The following ZZEF1 variants were observed in gnomAD, a reference collection of about 807,000 sequenced individuals.
The protein encoded by ZZEF1 is zinc finger ZZ-type and EF-hand domain containing 1.
A neutral mutation model predicts 342.8 loss-of-function variants in ZZEF1; 157 were observed. The observed-to-expected ratio is 0.46, with a 90% CI of 0.40 to 0.52. The LOEUF is 0.52. ZZEF1 is among the 20% of genes least tolerant of loss of function. The probability of loss-of-function intolerance (pLI) is 0.00; values close to 1 mark genes in which losing one functional copy is unlikely to be tolerated. For missense variants in ZZEF1, 3,480 were observed against 3,725.6 expected, an observed-to-expected ratio of 0.93 and a Z score of 1.72; for synonymous variants, 1,505 against 1,429.1, an observed-to-expected ratio of 1.05 and a Z score of -1.20.
chr17:4,060,713 T>A (rs547288459), intron 30 of ZZEF1, among the ~76,000 whole-genome samples: 158 of 152,180 alleles, frequency 1.0e-3, no homozygotes, highest in Non-Finnish European at 2.0e-3. Context: ...TTTTACTTTT[T>A]AAAAGAGAAA....
chr17:4,078,932 G>A (rs1048829060), intron 18 of ZZEF1, among the ~76,000 whole-genome samples: 3 of 151,994 alleles, frequency 2.0e-5, no homozygotes, highest in Admixed American at 1.3e-4. Flanking sequence ...AACCATAAAT[G>A]TCTTTTACTA....
intron 1 of ZZEF1, among the ~76,000 whole-genome samples, chr17:4,136,760 G>A (rs2058755579): frequency 6.6e-6 from 1 of 152,166 alleles, no homozygotes; most frequent in Non-Finnish European, 1.5e-5. Flanking sequence ...TGTAGGCTAG[G>A]TGCTAAAGGA....
At chr17:4,132,742 G>A (rs1365944849) in intron 1 of ZZEF1, among the ~76,000 whole-genome samples, 3 of 101,320 alleles carry the variant, frequency 3.0e-5, no homozygotes, top group African/African-American at 8.0e-5. Context: ...CGAGGCGGGT[G>A]GATCACGAAG....
At chr17:4,077,807 A>G in intron 19 of ZZEF1, 76 bp downstream of exon 19, 1 of 1,494,176 alleles carries the variant, frequency 6.7e-7, no homozygotes, top group Non-Finnish European at 9.2e-7. Flanking sequence ...TCATTGCATG[A>G]GTTACTAAAG....
chr17:4,051,051 G>A lies in ZZEF1; in HGVS notation c.5601-8C>T, dbSNP rs1312222022. The A allele has an allele frequency of 1.9e-6, 3 of 1,614,092 alleles. No homozygotes were observed. The highest frequency in any genetic ancestry group is 2.5e-6 in the Non-Finnish European group (3 of 1,180,042). ...CTGTGGGTAGGCAAATGGCTGCAAA[G>A]GCAAGACACATTTAAAGCTTACAAC... is the stretch of plus-strand genomic sequence containing the variant. On this transcript the variant is annotated splice_polypyrimidine_tract_variant and splice_region_variant and intron_variant, in intron 35 of 54. Coordinates refer to ENST00000381638, the MANE Select transcript of ZZEF1 (RefSeq NM_015113.4).
At chr17:4,046,539 AG>A (rs1332750032) in intron 37 of ZZEF1, among the ~76,000 whole-genome samples, 6 of 152,324 alleles carry the variant, frequency 3.9e-5, no homozygotes, top group Admixed American at 2.6e-4. Flanking sequence ...GCCGTCTCCC[AG>A]GGGTACCTAA....
At chr17:4,032,707 G>T in intron 41 of ZZEF1, 121 bp downstream of exon 41, 2 of 1,038,260 alleles carry the variant, frequency 1.9e-6, no homozygotes, top group Non-Finnish European at 2.8e-6. Context: ...AAGGTGTACA[G>T]GCAAAGGAAA....
intron 16 of ZZEF1, among the ~76,000 whole-genome samples, chr17:4,084,507 T>C (rs1313142745): frequency 6.6e-6 from 1 of 152,248 alleles, no homozygotes; most frequent in Non-Finnish European, 1.5e-5. Context: ...TTTGTCCCCT[T>C]GGTATACTTA....
chr17:4,058,940 C>T (rs773897687), intron 31 of ZZEF1, among the ~76,000 whole-genome samples: 7 of 151,950 alleles, frequency 4.6e-5, no homozygotes, highest in African/African-American at 7.3e-5. Flanking sequence ...CTTAGAAAAA[C>T]CCAGACTCAT....
At chr17:4,044,116 C>A in intron 38 of ZZEF1, 108 bp downstream of exon 38, 1 of 1,247,022 alleles carries the variant, frequency 8.0e-7, no homozygotes. Flanking sequence ...AAACCACGCA[C>A]CCCTGGCGTC....
intron 28 of ZZEF1, 64 bp downstream of exon 28, chr17:4,066,383 G>T: frequency 6.8e-7 from 1 of 1,478,722 alleles, no homozygotes; most frequent in Non-Finnish European, 9.4e-7. Flanking sequence ...TGAGTAATTG[G>T]TTTTCCAGGC....
In ZZEF1 at chr17:4,042,419, T is replaced by A; in HGVS notation, c.6306+10A>T. 1 of 1,605,212 alleles carries A rather than the reference T, an allele frequency of 6.2e-7. No individual in the cohort carries two copies. On this transcript the variant is annotated intron_variant, in intron 39 of 54. Coordinates refer to ENST00000381638, the MANE Select transcript of ZZEF1 (RefSeq NM_015113.4). ...CACCACCCCCACTTTTAAAAATAAA[T>A]TGCCCTTACCGACTTTAAGGGAGGT...
At chr17:4,091,052 T>C (rs1445018203) in intron 11 of ZZEF1, among the ~76,000 whole-genome samples, 2 of 152,158 alleles carry the variant, frequency 1.3e-5, no homozygotes, top group African/African-American at 4.8e-5. Context: ...AAATATAATC[T>C]GGGAACTAAG....
chr17:4,051,152 C>T (rs2057038026), intron 35 of ZZEF1, 109 bp from the exon 36 acceptor site: 2 of 1,443,166 alleles, frequency 1.4e-6, no homozygotes, highest in Non-Finnish European at 1.9e-6. Context: ...GGGCATTAGT[C>T]ACCTCTAGGA....
chr17:4,016,262 G>C lies in ZZEF1; in HGVS notation c.8145+61C>G. 1.3e-6 allele frequency: 2 copies of C among 1,558,752 alleles called. No homozygotes were observed. The highest frequency in any genetic ancestry group is 1.7e-6 in the Non-Finnish European group (2 of 1,157,128). On this transcript the variant is annotated intron_variant, in intron 49 of 54. Transcript: ENST00000381638. The surrounding 1 kb of genome is among the most constrained non-coding windows in gnomAD (Gnocchi z 4.4). ...TGAGCATGGAGGGGCTGAGCACGGA[G>C]GGGCTGACGAGGTCTCTGCGGCTCA...
chr17:4,046,986 T>G (rs998295449), intron 37 of ZZEF1, among the ~76,000 whole-genome samples: 12 of 152,218 alleles, frequency 7.9e-5, no homozygotes, highest in African/African-American at 2.9e-4. Flanking sequence ...ACAGTCCTTA[T>G]GGCCACTGTA....
chr17:4,125,182 G>A (rs2058554317), intron 1 of ZZEF1, among the ~76,000 whole-genome samples: 1 of 151,978 alleles, frequency 6.6e-6, no homozygotes, highest in Non-Finnish European at 1.5e-5. Flanking sequence ...TCTCTCCCCA[G>A]ATTTCAAACC....
At chr17:4,138,711 T>G (rs957347184) in intron 1 of ZZEF1, among the ~76,000 whole-genome samples, 2 of 152,374 alleles carry the variant, frequency 1.3e-5, no homozygotes, top group South Asian at 4.1e-4. Flanking sequence ...TTTAGGGCCA[T>G]CTGTTATCCT....
In ZZEF1 at chr17:4,064,558, G is replaced by T; in HGVS notation, c.4521C>A (p.Asp1507Glu). 1 of 1,614,096 alleles carries T rather than the reference G, an allele frequency of 6.2e-7. No homozygotes were observed. The highest frequency in any genetic ancestry group is 8.5e-7 in the Non-Finnish European group (1 of 1,180,032). Reference protein sequence around the residue: ...LPSSSGLPAADVSPATAEEPL... With the variant: ...LPSSSGLPAAEVSPATAEEPL... ...GCTCTTCAGCTGTGGCAGGGGACACGTCTGCAGCAGGAAGGCCACTGCTGG... is the reference window on the plus strand; with the variant it reads ...GCTCTTCAGCTGTGGCAGGGGACACTTCTGCAGCAGGAAGGCCACTGCTGG... The change falls in exon 29 of 55, where the codon GAC becomes GAA. Residue 1507 changes from aspartate to glutamate, a missense_variant. By Grantham distance (45) the Asp-to-Glu change is conservative. Transcript: ENST00000381638.
Sources: gnomAD v4.1 joint callset for allele counts (sites outside exome capture counted in the v4.1 genomes callset) on GRCh38, gnomAD v4.1.1 for gene constraint, Gnocchi (gnomAD v3.1) non-coding constraint, MANE v1.5 for transcripts, NCBI Gene and HGNC (gene_info 2026-07-23, HGNC 2026-07-21) for gene names.